The following DCLK1 variants were observed in gnomAD, a reference collection of about 807,000 sequenced individuals.
The protein encoded by DCLK1 is doublecortin like kinase 1.
DCLK1 carries 16 observed loss-of-function variants against 86.2 expected under a neutral mutation model. The observed-to-expected ratio is 0.19, with a 90% confidence interval of 0.13 to 0.28. DCLK1 has a LOEUF of 0.28. DCLK1 is among the 10% of genes least tolerant of loss of function. The pLI is 1.00. For synonymous variants in DCLK1, 369 were observed against 370.5 expected, an observed-to-expected ratio of 1.00 and a Z score of 0.05; for missense variants, 590 against 940.2, an observed-to-expected ratio of 0.63 and a Z score of 4.87.
chr13:35,920,648 T>C (rs1257718718), intron 4 of DCLK1, among the ~76,000 whole-genome samples: 2 of 152,130 alleles, frequency 1.3e-5, no homozygotes, highest in East Asian at 3.9e-4. Context: ...TTCTTGGTCC[T>C]ACACACACTG....
intron 7 of DCLK1, among the ~76,000 whole-genome samples, chr13:35,836,756 T>A (rs1869415591): frequency 6.6e-6 from 1 of 152,220 alleles, no homozygotes; most frequent in Admixed American, 6.5e-5. Context: ...CTATTATGTC[T>A]GTGAATGGAA....
chr13:35,855,888 C>CT (rs1871026067), intron 5 of DCLK1: 1 of 1,088,430 alleles, frequency 9.2e-7, no homozygotes. Context: ...GATCCAGTGA[C>CT]TCATCTGAAA....
intron 4 of DCLK1, among the ~76,000 whole-genome samples, chr13:35,878,040 C>T (rs1007528937): frequency 6.6e-6 from 1 of 152,072 alleles, no homozygotes; most frequent in Non-Finnish European, 1.5e-5. Flanking sequence ...CAGGAATATT[C>T]TCTCCTCCTG....
intron 3 of DCLK1, among the ~76,000 whole-genome samples, chr13:36,006,524 G>A (rs1880964966): frequency 6.6e-6 from 1 of 152,200 alleles, no homozygotes; most frequent in Admixed American, 6.5e-5. Flanking sequence ...AACAGTTTTT[G>A]CCTGCTGTAC....
chr13:36,045,326 GTGTGTGTATATATATATATATATATATA>G (rs1414823466), intron 3 of DCLK1, among the ~76,000 whole-genome samples: 14 of 60,930 alleles, frequency 2.3e-4, no homozygotes, highest in African/African-American at 4.1e-4. Flanking sequence ...ATATGTGTGT[GTGTGTGTATATATATATATATATATATA>G]TATATATATA....
chr13:35,867,371 A>T (rs1179939966), intron 5 of DCLK1, among the ~76,000 whole-genome samples: 1 of 152,218 alleles, frequency 6.6e-6, no homozygotes, highest in Non-Finnish European at 1.5e-5. Flanking sequence ...TCAAGAACAT[A>T]TTAATTTTAG....
At chr13:35,973,255 T>C (rs1879157899) in intron 3 of DCLK1, among the ~76,000 whole-genome samples, 2 of 152,180 alleles carry the variant, frequency 1.3e-5, no homozygotes, top group South Asian at 4.1e-4. Context: ...GTCAGTGAGC[T>C]GAGGAGCAAA....
intron 3 of DCLK1, among the ~76,000 whole-genome samples, chr13:36,045,330 G>GTGTA (rs1488559029): frequency 3.5e-5 from 2 of 56,600 alleles, no homozygotes; most frequent in Non-Finnish European, 6.3e-5. Context: ...GTGTGTGTGT[G>GTGTA]TGTATATATA....
Position 35,776,507 on chromosome 13 carries a change from T to C in DCLK1, c.2059-1808A>G, listed in dbSNP as rs2086427302. On this transcript the variant is annotated intron_variant, in intron 16 of 16. Coordinates refer to ENST00000360631, the MANE Select transcript of DCLK1 (RefSeq NM_001330071.2). ...ATGTGGGGAAGAAAAGCACATCAGG[T>C]TTGTGGTCAGGGATTTTGCGTCCCA... Among the ~76,000 whole-genome samples, 4 of 152,100 alleles carry C rather than the reference T, an allele frequency of 2.6e-5. No homozygotes were observed. The South Asian group carries it at 8.3e-4, about 32-fold the overall frequency.
chr13:35,869,049 C>A, intron 5 of DCLK1: 1 of 484,070 alleles, frequency 2.1e-6, no homozygotes, highest in East Asian at 5.9e-5. Context: ...CATCAACCTC[C>A]CAAAGTTCTG....
intron 8 of DCLK1, among the ~76,000 whole-genome samples, chr13:35,832,388 T>G (rs1461892705): frequency 6.6e-6 from 1 of 152,180 alleles, no homozygotes; most frequent in Non-Finnish European, 1.5e-5. Flanking sequence ...TTTGCTATGT[T>G]TTGAAGGATT....
rs566675169 is a variant in DCLK1 at position 35,769,271 on chromosome 13, T to G, written c.*5264A>C. On this transcript the variant is annotated 3_prime_UTR_variant, in exon 17 of 17. Coordinates refer to ENST00000360631, the MANE Select transcript of DCLK1 (RefSeq NM_001330071.2). ...TGCAGCAAGTGATAAATTCAGTATT[T>G]TCAAAAGAAATATTGAATTTTTTTC... is the stretch of plus-strand genomic sequence containing the variant. 1 of 152,332 alleles carries G rather than the reference T, an allele frequency of 6.6e-6. No homozygotes were observed. Among genetic ancestry groups the G allele is most frequent in the Admixed American group, 6.5e-5 (1 of 15,312 alleles). The allele number at this position is 152,332 out of a possible 1,614,324, so 9.4% of individuals were successfully genotyped here. A position where few individuals can be genotyped will look rare whatever the true frequency, so the allele number is the denominator to read the frequency against.
chr13:36,002,720 A>G (rs1250985727), intron 3 of DCLK1, among the ~76,000 whole-genome samples: 1 of 152,184 alleles, frequency 6.6e-6, no homozygotes, highest in Non-Finnish European at 1.5e-5. Context: ...TATGTGTGTG[A>G]ACATACATGT....
At chr13:36,047,308 T>TATC in intron 3 of DCLK1, among the ~76,000 whole-genome samples, 1 of 152,304 alleles carries the variant, frequency 6.6e-6, no homozygotes, top group Admixed American at 6.5e-5. Flanking sequence ...ACCACCCTAC[T>TATC]ATCCAAGAAT....
chr13:36,007,659 C>T (rs1881041586), intron 3 of DCLK1, among the ~76,000 whole-genome samples: 1 of 152,102 alleles, frequency 6.6e-6, no homozygotes, highest in African/African-American at 2.4e-5. Flanking sequence ...AATAATATTT[C>T]CTTTAGGATC....
intron 3 of DCLK1, among the ~76,000 whole-genome samples, chr13:35,994,297 G>A (rs1880379532): frequency 6.6e-6 from 1 of 152,146 alleles, no homozygotes; most frequent in Non-Finnish European, 1.5e-5. Flanking sequence ...AAGCGAATTA[G>A]TCAGATAAAA....
intron 4 of DCLK1, among the ~76,000 whole-genome samples, chr13:35,940,807 G>A (rs762744688): frequency 5.9e-5 from 9 of 152,106 alleles, no homozygotes; most frequent in South Asian, 4.1e-4. Context: ...AGTAGTAATC[G>A]CTTTCTGGTT....
At chr13:35,884,748 C>T (rs565171709) in intron 4 of DCLK1, among the ~76,000 whole-genome samples, 1 of 152,164 alleles carries the variant, frequency 6.6e-6, no homozygotes, top group South Asian at 2.1e-4. Context: ...GGAGGCGGCT[C>T]CCTGAGAAAG....
At chr13:35,901,341 T>G (rs1337420103) in intron 4 of DCLK1, among the ~76,000 whole-genome samples, 1 of 151,250 alleles carries the variant, frequency 6.6e-6, no homozygotes, top group Non-Finnish European at 1.5e-5. Context: ...ACAAAAAAAA[T>G]TAGCTGGGTA....
Sources: allele counts gnomAD v4.1 joint callset (sites outside exome capture counted in the v4.1 genomes callset), GRCh38; gene constraint gnomAD v4.1.1; transcripts MANE v1.5; gene names NCBI Gene and HGNC (gene_info 2026-07-23, HGNC 2026-07-21).